SLC12A9: variants seen among roughly 807,000 people sequenced by gnomAD.
SLC12A9 encodes solute carrier family 12 member 9, also known as CCC-interacting protein 1.
SLC12A9 carries 55 observed loss-of-function variants against 66.0 expected under a neutral mutation model. The observed-to-expected ratio is 0.83, with a 90% CI of 0.67 to 1.04. SLC12A9 has a LOEUF of 1.04. Ranked by LOEUF, SLC12A9 falls within the 50% of genes least tolerant of loss-of-function variation. SLC12A9 has a pLI of 0.00. For missense variants in SLC12A9, 1,061 were observed against 1,241.9 expected, an observed-to-expected ratio of 0.85 and a Z score of 2.19; for synonymous variants, 577 against 569.0, an observed-to-expected ratio of 1.01 and a Z score of -0.20.
At chr7:100,843,514 G>A (rs1364137510) in intron 1 of SLC12A9, among the ~76,000 whole-genome samples, 1 of 152,082 alleles carries the variant, frequency 6.6e-6, no homozygotes, top group Non-Finnish European at 1.5e-5. Flanking sequence ...GAGAAAAAAA[G>A]GCAGTTAGAG....
At chr7:100,859,553 A>G (rs545692926) in intron 7 of SLC12A9, 2 of 374,870 alleles carry the variant, frequency 5.3e-6, no homozygotes, top group Non-Finnish European at 9.8e-6. Context: ...CTCCCCCCAA[A>G]TACAAAAATT....
Position 100,862,943 on chromosome 7 carries a change from G to A in SLC12A9, c.1858+116G>A, listed in dbSNP as rs530268230. The A allele has an allele frequency of 1.3e-5, 16 of 1,277,052 alleles. 1 individual carries two copies. The highest frequency in any genetic ancestry group is 1.1e-4 in the South Asian group (8 of 75,394). 79.1% of individuals were successfully genotyped at this position (1,277,052 alleles called of 1,614,324 possible). ...CAAACTGCAAAAGGACCTTATAGTC[G>A]AGAGGAGATAAGACAGTGCTCAAAG... On this transcript the variant is annotated intron_variant, in intron 13 of 13. Coordinates refer to ENST00000354161, the MANE Select transcript of SLC12A9 (RefSeq NM_020246.4).
chr7:100,862,108 C>T (rs925031140), intron 12 of SLC12A9, among the ~76,000 whole-genome samples, 197 bp downstream of exon 12: 7 of 151,634 alleles, frequency 4.6e-5, no homozygotes, highest in African/African-American at 1.7e-4. Context: ...AGGCACACAC[C>T]ATCATGCCTG....
chr7:100,848,758 A>C (rs1026667447), upstream of SLC12A9, among the ~76,000 whole-genome samples: 17 of 150,066 alleles, frequency 1.1e-4, no homozygotes, highest in Admixed American at 7.3e-4. Flanking sequence ...TGGTGGCGGG[A>C]GCCTGTAGTC....
rs750647487 is a variant in SLC12A9, at chr7:100,858,904, A to T, written c.827A>T (p.Asn276Ile). ...NFASVFAVLF[N>I]GCTGIMAGAN... ...GCCAGCGTCTTTGCTGTCCTCTTTA[A>T]CGGCTGTACAGGCATCATGGCTGGG... The change falls in exon 6 of 14, where the codon AAC becomes ATC. Residue 276 changes from asparagine to isoleucine, a missense_variant. Transcript: ENST00000354161. 4 of 1,614,106 alleles carry T rather than the reference A, an allele frequency of 2.5e-6. No individual in the cohort carries two copies. Among genetic ancestry groups the T allele is most frequent in the Non-Finnish European group, 2.5e-6 (3 of 1,180,004 alleles).
At chr7:100,858,710 G>T in intron 5 of SLC12A9, 125 bp from the exon 6 acceptor site, 8 of 824,922 alleles carry the variant, frequency 9.7e-6, no homozygotes, top group African/African-American at 6.7e-5. Context: ...AACAGGCTGG[G>T]GTCTTAGTGA....
intron 1 of SLC12A9, among the ~76,000 whole-genome samples, chr7:100,842,565 A>G (rs2116530524): frequency 6.6e-6 from 1 of 152,328 alleles, no homozygotes; most frequent in African/African-American, 2.4e-5. Context: ...ACCATTAAAG[A>G]GCAAAGATGG....
intron 1 of SLC12A9, among the ~76,000 whole-genome samples, chr7:100,832,559 T>C (rs1386930160): frequency 6.6e-6 from 1 of 151,940 alleles, no homozygotes; most frequent in Admixed American, 6.6e-5. Flanking sequence ...AGAGAAAGAA[T>C]AGAAAATAAT....
At chr7:100,844,151 C>T (rs930202383) in intron 1 of SLC12A9, among the ~76,000 whole-genome samples, 5 of 152,134 alleles carry the variant, frequency 3.3e-5, no homozygotes, top group Non-Finnish European at 7.4e-5. Flanking sequence ...GGACTGTTCC[C>T]AGTATATACA....
At chr7:100,845,356 A>AT (rs1440000217) in intron 1 of SLC12A9, among the ~76,000 whole-genome samples, 2 of 150,516 alleles carry the variant, frequency 1.3e-5, no homozygotes, top group African/African-American at 2.5e-5. Flanking sequence ...TTATTTATTT[A>AT]TTTATTTTTT....
chr7:100,850,753 CTT>C (rs1309175687), upstream of SLC12A9, among the ~76,000 whole-genome samples: 49 of 143,100 alleles, frequency 3.4e-4, no homozygotes, highest in African/African-American at 1.2e-3. Flanking sequence ...GAGTTTTGCT[CTT>C]GTTGCCCAGG....
intron 1 of SLC12A9, among the ~76,000 whole-genome samples, chr7:100,828,320 T>C (rs1292189898): frequency 1.3e-5 from 2 of 151,426 alleles, no homozygotes; most frequent in Non-Finnish European, 2.9e-5. Flanking sequence ...AGGCGGATCA[T>C]TTGAGGTCAG....
At chr7:100,859,218 C>A in intron 7 of SLC12A9, 57 bp downstream of exon 7, 1 of 1,501,130 alleles carries the variant, frequency 6.7e-7, no homozygotes, top group Non-Finnish European at 9.2e-7. Flanking sequence ...CCTGGGTCAC[C>A]AAGGGGAAAC....
Position 100,860,026 on chromosome 7 carries a change from C to T in SLC12A9, c.1119C>T (p.Ala373=), listed in dbSNP as rs1347509172. 4.3e-6 allele frequency: 7 copies of T among 1,614,046 alleles called. No homozygotes were observed. Among genetic ancestry groups the T allele is most frequent in the Non-Finnish European group, 5.1e-6 (6 of 1,179,940 alleles). ...IGASRILHAL[A]RDDLFGVILA... is the part of the protein sequence containing the mutation. ...CCTCCCGCATCCTCCATGCCCTGGC[C>T]CGGGATGACCTCTTTGGTGGGTTCT... is the stretch of plus-strand genomic sequence containing the variant. The change falls in exon 8 of 14, where the codon GCC becomes GCT. Residue 373 remains alanine (A), a synonymous_variant. Coordinates refer to ENST00000354161, the MANE Select transcript of SLC12A9 (RefSeq NM_020246.4).
chr7:100,842,407 T>G (rs1813808137), intron 1 of SLC12A9, among the ~76,000 whole-genome samples: 1 of 152,176 alleles, frequency 6.6e-6, no homozygotes, highest in African/African-American at 2.4e-5. Context: ...AGAAAAGCAC[T>G]TCTGTCTCTC....
At chr7:100,840,505 C>T (rs115557853) in intron 1 of SLC12A9, among the ~76,000 whole-genome samples, 1,737 of 152,034 alleles carry the variant, frequency 0.011, 30 homozygotes, top group African/African-American at 0.04. Flanking sequence ...TTAGACCCCC[C>T]GCCCCCAACA....
At chr7:100,847,823 C>T (rs925887428), upstream of SLC12A9, among the ~76,000 whole-genome samples, 2 of 151,880 alleles carry the variant, frequency 1.3e-5, no homozygotes, top group African/African-American at 2.4e-5. Flanking sequence ...CCATGGCTCA[C>T]GCCTGTAATC....
At chr7:100,850,720 TTC>T (rs1167471283), upstream of SLC12A9, among the ~76,000 whole-genome samples, 1 of 148,630 alleles carries the variant, frequency 6.7e-6, no homozygotes, top group Non-Finnish European at 1.5e-5. Flanking sequence ...CTTCTTCTTC[TTC>T]TTTTTTTTTT....
intron 13 of SLC12A9, among the ~76,000 whole-genome samples, chr7:100,864,224 T>A (rs1487268981): frequency 6.6e-6 from 1 of 151,890 alleles, no homozygotes; most frequent in Non-Finnish European, 1.5e-5. Context: ...ACTACAGATA[T>A]ACGCCAGCAT....
Sources: allele counts gnomAD v4.1 joint callset (sites outside exome capture counted in the v4.1 genomes callset), GRCh38; gene constraint gnomAD v4.1.1; transcripts MANE v1.5; gene names NCBI Gene and HGNC (gene_info 2026-07-23, HGNC 2026-07-21).